The following FADD variants were observed in gnomAD, a reference collection of about 807,000 sequenced individuals.
The protein encoded by FADD is Fas associated via death domain.
FADD carries 3 observed loss-of-function variants against 5.8 expected under a neutral mutation model. The observed-to-expected ratio is 0.52, with a 90% CI of 0.24 to 1.34. The LOEUF is 1.34. FADD is among the 40% of genes most tolerant of loss of function. The probability of loss-of-function intolerance (pLI) is 0.17; values close to 1 mark genes in which losing one functional copy is unlikely to be tolerated. For missense variants in FADD, 249 were observed against 286.7 expected (o/e 0.87, Z 0.95); for synonymous variants, 138 against 130.8 (o/e 1.06, Z -0.38).
At position 70,206,109 on chromosome 11, in the gene FADD, A is replaced by G. The variant is rs754962909; in HGVS notation, c.287-24A>G. Reference sequence around the variant, plus strand: ...TCGCTTGTCTCCAAACCTATGGTAAACCGTTCTGTTCTTTCCTTCCCAGAC... The same window carrying G: ...TCGCTTGTCTCCAAACCTATGGTAAGCCGTTCTGTTCTTTCCTTCCCAGAC... On this transcript the variant is annotated intron_variant, in intron 1 of 1. Transcript: ENST00000301838. The G allele has an allele frequency of 1.8e-5, 29 of 1,602,916 alleles. No individual in the cohort carries two copies. The South Asian group carries it at 3.2e-4, about 18-fold the overall frequency.
chr11:70,205,230 A>G (rs1461252384), intron 1 of FADD, among the ~76,000 whole-genome samples: 1 of 152,028 alleles, frequency 6.6e-6, no homozygotes, highest in African/African-American at 2.4e-5. Flanking sequence ...CTCTCTTCAC[A>G]TTCCAGAAGC....
Position 70,206,297 on chromosome 11 carries a change from A to T in FADD, c.451A>T (p.Thr151Ser), listed in dbSNP as rs1308017279. 6.2e-7 allele frequency: 1 copy of T among 1,614,204 alleles called. No homozygotes were observed. The highest frequency in any genetic ancestry group is 1.7e-5 in the Admixed American group (1 of 60,026). Residue 151 changes from threonine (T) to serine (S), a missense_variant, in exon 2 of 2, where the codon ACA (threonine) becomes TCA (serine). Coordinates refer to ENST00000301838, the MANE Select transcript of FADD (RefSeq NM_003824.4). ...VRESLRIWKN[T>S]EKENATVAHL... ...GGAGTCACTGAGAATCTGGAAGAACACAGAGAAGGAGAACGCAACAGTGGC... is the reference window on the plus strand; with the variant it reads ...GGAGTCACTGAGAATCTGGAAGAACTCAGAGAAGGAGAACGCAACAGTGGC...
In FADD at chr11:70,206,449, C is replaced by T. The variant is rs1432662079; in HGVS notation, c.603C>T (p.Asp201=). ...TGTCCCCGATGTCATGGAACTCAGA[C>T]GCATCTACCTCCGAAGCGTCCTGAT... is the stretch of plus-strand genomic sequence containing the variant. ...GAMSPMSWNS[D]ASTSEAS Residue 201 remains aspartate, a synonymous_variant, in exon 2 of 2, where the codon GAC becomes GAT. Transcript: ENST00000301838. 49 of 1,613,880 alleles carry T rather than the reference C, an allele frequency of 3.0e-5. No individual in the cohort carries two copies. Among genetic ancestry groups the T allele is most frequent in the Admixed American group, 6.7e-5 (4 of 59,998 alleles).
intron 1 of FADD, 113 bp downstream of exon 1, chr11:70,203,858 T>G (rs2049440860): frequency 4.1e-6 from 2 of 490,694 alleles, no homozygotes; most frequent in Non-Finnish European, 6.8e-6. Context: ...TTGATTTGCG[T>G]GGGTTTTCTC....
chr11:70,206,532 T>G lies in FADD; in HGVS notation c.*59T>G. 1 of 1,531,766 alleles carries G rather than the reference T, an allele frequency of 6.5e-7. No homozygotes were observed. The highest frequency in any genetic ancestry group is 1.4e-5 in the African/African-American group (1 of 73,360). The allele number at this position is 1,531,766 out of a possible 1,614,324, so 94.9% of individuals were successfully genotyped here. A position where few individuals can be genotyped will look rare whatever the true frequency, so the allele number is the denominator to read the frequency against. ...ATCTACACAGCCTGGACTTTGGTTC[T>G]CTCCAGGAAGGTAGCCCAGCACTGT... On this transcript the variant is annotated 3_prime_UTR_variant, in exon 2 of 2. Coordinates refer to ENST00000301838, the MANE Select transcript of FADD (RefSeq NM_003824.4).
intron 1 of FADD, among the ~76,000 whole-genome samples, chr11:70,205,177 A>G (rs964721284): frequency 9.2e-5 from 14 of 152,164 alleles, no homozygotes; most frequent in Non-Finnish European, 4.4e-5. Flanking sequence ...GTGTCTCAGA[A>G]TTGCCAGTAG....
chr11:70,205,339 G>T (rs2049451443), intron 1 of FADD, among the ~76,000 whole-genome samples: 1 of 152,186 alleles, frequency 6.6e-6, no homozygotes, highest in Admixed American at 6.5e-5. Flanking sequence ...GGTCACTCGG[G>T]GCAGCTTTCT....
intron 1 of FADD, 44 bp downstream of exon 1, chr11:70,203,789 G>T: frequency 1.0e-6 from 1 of 987,442 alleles, no homozygotes; most frequent in Non-Finnish European, 1.3e-6. Flanking sequence ...CTGGTCGCCC[G>T]GCTGTAGGTG....
intron 1 of FADD, 33 bp from the exon 2 acceptor site, chr11:70,206,100 C>G (rs2049457219): frequency 6.3e-7 from 1 of 1,590,194 alleles, no homozygotes; most frequent in Non-Finnish European, 8.6e-7. Context: ...GTCTCCAAAC[C>G]TATGGTAAAC....
At chr11:70,205,920 A>G (rs1590966933) in intron 1 of FADD, among the ~76,000 whole-genome samples, 2 of 151,610 alleles carry the variant, frequency 1.3e-5, no homozygotes, top group East Asian at 3.9e-4. Flanking sequence ...ACAGTATTAG[A>G]GAGCAGGGGG....
chr11:70,203,385 G>C lies in FADD; in HGVS notation c.-75G>C. 3 of 1,542,326 alleles carry C rather than the reference G, an allele frequency of 1.9e-6. No homozygotes were observed. The highest frequency in any genetic ancestry group is 2.6e-6 in the Non-Finnish European group (3 of 1,144,190). On this transcript the variant is annotated 5_prime_UTR_variant, in exon 1 of 2. Coordinates refer to ENST00000301838, the MANE Select transcript of FADD (RefSeq NM_003824.4). Reference sequence around the variant, plus strand: ...GCCGCTGGGCAAGCGGCGAGACCTGGCCAGGGCCAGCGAGCCGAGGACAGA... The same window carrying C: ...GCCGCTGGGCAAGCGGCGAGACCTGCCCAGGGCCAGCGAGCCGAGGACAGA...
Position 70,206,450 on chromosome 11 carries a change from G to C in FADD, c.604G>C (p.Ala202Pro). 6.2e-7 allele frequency: 1 copy of C among 1,613,956 alleles called. No individual in the cohort carries two copies. The highest frequency in any genetic ancestry group is 1.1e-5 in the South Asian group (1 of 91,062). Residue 202 changes from alanine to proline, a missense_variant, in exon 2 of 2, where the codon GCA becomes CCA. Transcript: ENST00000301838. ...GTCCCCGATGTCATGGAACTCAGAC[G>C]CATCTACCTCCGAAGCGTCCTGATG... Reference protein sequence around the residue: ...AMSPMSWNSDASTSEAS With the variant: ...AMSPMSWNSDPSTSEAS
intron 1 of FADD, among the ~76,000 whole-genome samples, chr11:70,204,082 C>T (rs994187706): frequency 1.3e-5 from 2 of 152,170 alleles, no homozygotes; most frequent in South Asian, 4.1e-4. Flanking sequence ...CTTTCTGTCT[C>T]GGAATATGCT....
rs916988831 is a variant in FADD at position 70,203,330 on chromosome 11, G to C, written c.-130G>C. The stretch of plus-strand genomic sequence containing the variant: ...GATTTCCTGTAGTGAATCAGGCACC[G>C]GAGTGCAGGTTCGGGGGTGGAATCC... On this transcript the variant is annotated 5_prime_UTR_variant, in exon 1 of 2. Coordinates refer to ENST00000301838, the MANE Select transcript of FADD (RefSeq NM_003824.4). 8.8e-6 allele frequency: 13 copies of C among 1,478,334 alleles called. No individual in the cohort carries two copies. The highest frequency in any genetic ancestry group is 2.4e-4 in the Middle Eastern group (1 of 4,152). The allele number at this position is 1,478,334 out of a possible 1,614,324, so 91.6% of individuals were successfully genotyped here.
At position 70,206,561 on chromosome 11, in the gene FADD, G is replaced by T. The variant is rs544977840; in HGVS notation, c.*88G>T. The stretch of plus-strand genomic sequence containing the variant: ...CAGGAAGGTAGCCCAGCACTGTGAA[G>T]ACCCAGCAGGAAGCCAGGCTGAGTG... On this transcript the variant is annotated 3_prime_UTR_variant, in exon 2 of 2. Transcript: ENST00000301838. 7 of 1,275,630 alleles carry T rather than the reference G, an allele frequency of 5.5e-6. No homozygotes were observed. The Admixed American group carries it at 1.3e-4, about 24-fold the overall frequency. The allele number at this position is 1,275,630 out of a possible 1,614,324, so 79.0% of individuals were successfully genotyped here. A position where few individuals can be genotyped will look rare whatever the true frequency, so the allele number is the denominator to read the frequency against.
intron 1 of FADD, 92 bp from the exon 2 acceptor site, chr11:70,206,041 C>T: frequency 1.8e-6 from 2 of 1,097,902 alleles, no homozygotes; most frequent in Non-Finnish European, 2.7e-6. Context: ...GTCCACTCAG[C>T]ACTTGGCGTC....
chr11:70,205,278 G>T (rs926031152), intron 1 of FADD, among the ~76,000 whole-genome samples: 3 of 152,192 alleles, frequency 2.0e-5, no homozygotes, highest in East Asian at 1.9e-4. Context: ...CCTGATCTCA[G>T]TGGTGACGTC....
At chr11:70,204,212 A>G (rs2049443122) in intron 1 of FADD, among the ~76,000 whole-genome samples, 1 of 152,190 alleles carries the variant, frequency 6.6e-6, no homozygotes, top group Non-Finnish European at 1.5e-5. Flanking sequence ...TGGCTTAGAT[A>G]CTGTTAGCTA....
Position 70,207,124 on chromosome 11 carries a change from T to C in FADD, c.*651T>C, listed in dbSNP as rs558881172. The C allele has an allele frequency of 7.9e-4, 124 of 157,654 alleles. No homozygotes were observed. Among genetic ancestry groups the C allele is most frequent in the South Asian group, 1.7e-3 (9 of 5,364 alleles). 9.8% of individuals were successfully genotyped at this position (157,654 alleles called of 1,614,324 possible). A position where few individuals can be genotyped will look rare whatever the true frequency, so the allele number is the denominator to read the frequency against. ...GAGTCTCCTCTCTGAGACTGCTAAG[T>C]AGGGGCAGTGATGGTTGCCAGGACG... On this transcript the variant is annotated 3_prime_UTR_variant, in exon 2 of 2. Transcript: ENST00000301838.
Sources: gnomAD v4.1 joint callset for allele counts (sites outside exome capture counted in the v4.1 genomes callset) on GRCh38, gnomAD v4.1.1 for gene constraint, MANE v1.5 for transcripts, NCBI Gene and HGNC (gene_info 2026-07-23, HGNC 2026-07-21) for gene names.